Variants in ZNF544 observed in about 807,000 individuals in gnomAD.
ZNF544 encodes the protein zinc finger protein 544, also known as zinc finger protein AF020591.
A neutral mutation model predicts 13.5 loss-of-function variants in ZNF544; 10 were observed. The observed-to-expected ratio is 0.74, with a 90% CI of 0.46 to 1.25. The LOEUF (loss-of-function observed/expected upper bound fraction) is 1.25. ZNF544 is among the 50% of genes most tolerant of loss of function. The pLI is 0.00. For synonymous variants in ZNF544, 323 were observed against 300.5 expected (o/e 1.07, Z -0.77); for missense variants, 896 against 845.6 (o/e 1.06, Z -0.74).
chr19:58,236,263 G>T (rs557620309), intron 3 of ZNF544, among the ~76,000 whole-genome samples: 3 of 151,852 alleles, frequency 2.0e-5, no homozygotes, highest in Non-Finnish European at 4.4e-5. Flanking sequence ...ACTTTGGGAG[G>T]CCGAGGCGGG....
chr19:58,261,398 T>G lies in ZNF544; in HGVS notation c.792T>G (p.Phe264Leu), dbSNP rs772510352. 5 of 1,614,218 alleles carry G rather than the reference T, an allele frequency of 3.1e-6. No homozygotes were observed. Among genetic ancestry groups the G allele is most frequent in the East Asian group, 2.2e-5 (1 of 44,880 alleles). Residue 264 changes from phenylalanine (F) to leucine (L), a missense_variant, in exon 7 of 7, where the codon TTT (phenylalanine) becomes TTG (leucine). Transcript: ENST00000687789. The stretch of plus-strand genomic sequence containing the variant: ...CCCTTTGTTTTCATGGTAGAACTTT[T>G]TCAGTGAAGAAAAGTGATGACTGTA... ...GSSLCFHGRT[F>L]SVKKSDDCKD...
chr19:58,256,836 C>A (rs1228940585), intron 6 of ZNF544, among the ~76,000 whole-genome samples: 1 of 152,144 alleles, frequency 6.6e-6, no homozygotes, highest in Non-Finnish European at 1.5e-5. Flanking sequence ...GTCCGGCCTT[C>A]CCAGCTAGAG....
intron 6 of ZNF544, among the ~76,000 whole-genome samples, chr19:58,255,999 G>C (rs545319249): frequency 1.3e-5 from 2 of 152,344 alleles, no homozygotes; most frequent in African/African-American, 4.8e-5. Flanking sequence ...CCCGAACTGG[G>C]TGGTAGCGGT....
intron 3 of ZNF544, among the ~76,000 whole-genome samples, chr19:58,231,438 G>A (rs1271218820): frequency 6.6e-6 from 1 of 152,222 alleles, no homozygotes; most frequent in Non-Finnish European, 1.5e-5. Flanking sequence ...AGAGGACAGG[G>A]TACAGTGCCT....
chr19:58,252,534 A>T (rs1226394166), intron 6 of ZNF544, among the ~76,000 whole-genome samples: 2 of 152,172 alleles, frequency 1.3e-5, no homozygotes, highest in African/African-American at 4.8e-5. Context: ...ACCTTGTTTC[A>T]TAAATAACCC....
At chr19:58,272,330 G>C (rs2050733098) in intron 5 of ZNF544, among the ~76,000 whole-genome samples, 1 of 152,118 alleles carries the variant, frequency 6.6e-6, no homozygotes, top group African/African-American at 2.4e-5. Context: ...CCAAGGCCCA[G>C]GTGGAAGGAT....
chr19:58,238,587 C>T (rs558856878), intron 3 of ZNF544, among the ~76,000 whole-genome samples: 1 of 152,244 alleles, frequency 6.6e-6, no homozygotes, highest in African/African-American at 2.4e-5. Context: ...GCATCGATGT[C>T]ACAGGCTTCC....
intron 3 of ZNF544, among the ~76,000 whole-genome samples, chr19:58,233,552 A>T (rs917452838): frequency 6.6e-6 from 1 of 152,138 alleles, no homozygotes; most frequent in Non-Finnish European, 1.5e-5. Flanking sequence ...TATTTTAAGT[A>T]TGGTGTCAAG....
chr19:58,246,782 G>C lies in ZNF544; in HGVS notation c.232G>C (p.Glu78Gln). The change falls in exon 6 of 7, where the codon GAG (glutamate) becomes CAG (glutamine). Residue 78 changes from glutamate to glutamine, a missense_variant. Transcript: ENST00000687789. ...QEEDLCRAEQ[E>Q]APRDWKATLE... ...AGAGGACCTGTGCAGGGCAGAGCAGGAGGCCCCCCGAGGTAAGAGCAGACC... is the reference window on the plus strand; with the variant it reads ...AGAGGACCTGTGCAGGGCAGAGCAGCAGGCCCCCCGAGGTAAGAGCAGACC... The C allele has an allele frequency of 6.2e-7, 1 of 1,614,068 alleles. No homozygotes were observed. The highest frequency in any genetic ancestry group is 8.5e-7 in the Non-Finnish European group (1 of 1,179,924).
downstream of ZNF544, among the ~76,000 whole-genome samples, chr19:58,265,388 T>A (rs1412612631): frequency 6.6e-6 from 1 of 150,710 alleles, no homozygotes; most frequent in Non-Finnish European, 1.5e-5. Context: ...CTCCACCTCC[T>A]GGGTTCACGC....
At chr19:58,253,465 G>A (rs778480280) in intron 6 of ZNF544, among the ~76,000 whole-genome samples, 1 of 152,114 alleles carries the variant, frequency 6.6e-6, no homozygotes, top group Non-Finnish European at 1.5e-5. Flanking sequence ...TTGAGACAGA[G>A]CCTTGCTCTT....
At chr19:58,246,651 C>T (rs1361110095) in intron 5 of ZNF544, 60 bp from the exon 6 acceptor site, 2 of 1,584,746 alleles carry the variant, frequency 1.3e-6, no homozygotes, top group South Asian at 1.1e-5. Flanking sequence ...AAGCTTGGAC[C>T]CAGGACATGG....
intron 5 of ZNF544, among the ~76,000 whole-genome samples, chr19:58,274,870 G>C (rs532521526): frequency 6.6e-6 from 1 of 152,186 alleles, no homozygotes; most frequent in South Asian, 2.1e-4. Context: ...AAATGAGAGA[G>C]GAATAGCACT....
chr19:58,276,738 G>T (rs527976946), intron 6 of ZNF544, among the ~76,000 whole-genome samples: 1 of 152,298 alleles, frequency 6.6e-6, no homozygotes, highest in Admixed American at 6.5e-5. Flanking sequence ...AAAGTGCTGG[G>T]ATTCACTCAC....
intron 5 of ZNF544, among the ~76,000 whole-genome samples, chr19:58,270,038 A>G (rs2050437519): frequency 6.6e-6 from 1 of 152,230 alleles, no homozygotes; most frequent in Non-Finnish European, 1.5e-5. Flanking sequence ...TTATTCACCC[A>G]TAACTTAAAA....
At position 58,262,366 on chromosome 19, in the gene ZNF544, A is replaced by G. The variant is rs1377711194; in HGVS notation, c.1760A>G (p.Gln587Arg). 1 of 1,614,120 alleles carries G rather than the reference A, an allele frequency of 6.2e-7. No individual in the cohort carries two copies. The highest frequency in any genetic ancestry group is 8.5e-7 in the Non-Finnish European group (1 of 1,179,962). ...ACTCACTGTGGAAAGTCCTTCAGCC[A>G]AAGCTATCAGTTAGTTGCACATAAA... ...DCTHCGKSFSQSYQLVAHKRT... is the reference protein window; with the variant it reads ...DCTHCGKSFSRSYQLVAHKRT... Residue 587 changes from glutamine to arginine, a missense_variant, in exon 7 of 7, where the codon CAA becomes CGA. Gln to Arg is a conservative substitution (Grantham distance 43). Coordinates refer to ENST00000687789, the MANE Select transcript of ZNF544 (RefSeq NM_014480.4).
intron 3 of ZNF544, among the ~76,000 whole-genome samples, chr19:58,232,039 T>G (rs150892142): frequency 0.066 from 10,079 of 151,708 alleles, 801 homozygotes; most frequent in African/African-American, 0.19. Context: ...ACAGGGTTTC[T>G]CCATGTTGTC....
chr19:58,233,829 G>T (rs74676740), intron 3 of ZNF544, among the ~76,000 whole-genome samples: 2,024 of 152,274 alleles, frequency 0.013, 12 homozygotes, highest in Non-Finnish European at 0.018. Flanking sequence ...AAACGTAACT[G>T]CCTGTGTAAC....
At chr19:58,241,990 A>G (rs565661782) in intron 3 of ZNF544, among the ~76,000 whole-genome samples, 2 of 151,704 alleles carry the variant, frequency 1.3e-5, no homozygotes, top group African/African-American at 4.8e-5. Context: ...TGCCTGAAGA[A>G]TGTTATGTGT....
Sources: allele counts gnomAD v4.1 joint callset (sites outside exome capture counted in the v4.1 genomes callset), GRCh38; gene constraint gnomAD v4.1.1; transcripts MANE v1.5; gene names NCBI Gene and HGNC (gene_info 2026-07-23, HGNC 2026-07-21).